The following PXDNL variants were observed in gnomAD, a reference collection of about 807,000 sequenced individuals.
The protein encoded by PXDNL is peroxidasin like.
Under a neutral mutation model 150.8 loss-of-function variants are expected in PXDNL, and 145 were observed. The observed-to-expected ratio is 0.96, with a 90% CI of 0.84 to 1.10. The LOEUF (loss-of-function observed/expected upper bound fraction) is 1.10. Ranked by LOEUF, PXDNL falls within the 50% of genes least tolerant of loss-of-function variation. The pLI is 0.00. For missense variants in PXDNL, 2,087 were observed against 1,873.9 expected (o/e 1.11, Z -2.10); for synonymous variants, 757 against 725.7 (o/e 1.04, Z -0.69).
At chr8:51,705,895 T>C (rs944502267) in intron 1 of PXDNL, among the ~76,000 whole-genome samples, 1 of 152,176 alleles carries the variant, frequency 6.6e-6, no homozygotes, top group Non-Finnish European at 1.5e-5. Context: ...ACAAAGATAT[T>C]CATAATTTAC....
intron 5 of PXDNL, among the ~76,000 whole-genome samples, chr8:51,484,599 C>T (rs955872768): frequency 6.6e-6 from 1 of 152,192 alleles, no homozygotes; most frequent in Non-Finnish European, 1.5e-5. Flanking sequence ...CCGTTGGGTG[C>T]TGCTATGGTT....
chr8:51,762,271 CA>C (rs2037173627), intron 1 of PXDNL, among the ~76,000 whole-genome samples: 1 of 152,148 alleles, frequency 6.6e-6, no homozygotes, highest in African/African-American at 2.4e-5. Flanking sequence ...TATTTAACCC[CA>C]AAATATATTT....
intron 1 of PXDNL, among the ~76,000 whole-genome samples, chr8:51,779,935 G>T (rs1274563081): frequency 5.3e-5 from 8 of 152,018 alleles, no homozygotes; most frequent in Non-Finnish European, 1.0e-4. Context: ...GCCTCAGCCT[G>T]GTGTGGTGGC....
At chr8:51,449,480 T>C (rs1380149132) in intron 10 of PXDNL, among the ~76,000 whole-genome samples, 1 of 152,208 alleles carries the variant, frequency 6.6e-6, no homozygotes, top group East Asian at 1.9e-4. Flanking sequence ...AACCGTCTTC[T>C]CCAAACTTTC....
chr8:51,589,459 T>C (rs1320595797), intron 3 of PXDNL, among the ~76,000 whole-genome samples: 1 of 152,162 alleles, frequency 6.6e-6, no homozygotes, highest in Non-Finnish European at 1.5e-5. Context: ...GTAGAAAAGG[T>C]ATGGAATGTC....
At chr8:51,674,916 A>G (rs1356051783) in intron 1 of PXDNL, among the ~76,000 whole-genome samples, 1 of 152,194 alleles carries the variant, frequency 6.6e-6, no homozygotes, top group East Asian at 1.9e-4. Context: ...TTAGATGTGG[A>G]CAAATTACAT....
At chr8:51,565,174 T>A (rs971317982) in intron 3 of PXDNL, among the ~76,000 whole-genome samples, 1 of 151,714 alleles carries the variant, frequency 6.6e-6, no homozygotes, top group African/African-American at 2.4e-5. Flanking sequence ...ATACCTGACT[T>A]CCTGTGGGAG....
intron 3 of PXDNL, among the ~76,000 whole-genome samples, chr8:51,582,249 G>C (rs1248760216): frequency 6.6e-6 from 1 of 152,096 alleles, no homozygotes; most frequent in East Asian, 1.9e-4. Context: ...GTGGCTGTCT[G>C]CAAGGAAGAA....
At chr8:51,648,549 G>A (rs1391822603) in intron 2 of PXDNL, among the ~76,000 whole-genome samples, 2 of 152,162 alleles carry the variant, frequency 1.3e-5, no homozygotes, top group South Asian at 2.1e-4. Context: ...CCACACCTTC[G>A]TTTCAGGCTT....
chr8:51,631,119 T>C lies in PXDNL; in HGVS notation c.236+23570A>G, dbSNP rs551752010. On this transcript the variant is annotated intron_variant, in intron 2 of 22. Transcript: ENST00000356297. Reference sequence around the variant, plus strand: ...GCAACCATTAAAAAGAATGAGATCATGTTCTTTACAGCAATATGGATGGAG... The same window carrying C: ...GCAACCATTAAAAAGAATGAGATCACGTTCTTTACAGCAATATGGATGGAG... Among the ~76,000 whole-genome samples the C allele has an allele frequency of 2.6e-5, 4 of 152,266 alleles. No individual in the cohort carries two copies. In the South Asian group the frequency reaches 8.3e-4, roughly 32 times the overall value.
chr8:51,691,160 G>A (rs1169290925), intron 1 of PXDNL, among the ~76,000 whole-genome samples: 1 of 152,060 alleles, frequency 6.6e-6, no homozygotes, highest in African/African-American at 2.4e-5. Context: ...CTGTGCAGAA[G>A]CTCTTTAGTT....
intron 21 of PXDNL, among the ~76,000 whole-genome samples, chr8:51,325,080 G>T (rs1328623219): frequency 6.6e-6 from 1 of 152,106 alleles, no homozygotes; most frequent in Non-Finnish European, 1.5e-5. Flanking sequence ...TGGTCAGACT[G>T]ATCTCAAACT....
At chr8:51,743,688 T>G (rs2036931374) in intron 1 of PXDNL, among the ~76,000 whole-genome samples, 2 of 152,072 alleles carry the variant, frequency 1.3e-5, no homozygotes, top group Non-Finnish European at 2.9e-5. Flanking sequence ...GGGCAATTTT[T>G]GTATTTTTAG....
chr8:51,484,489 C>T (rs548257773), intron 5 of PXDNL, among the ~76,000 whole-genome samples: 61 of 151,092 alleles, frequency 4.0e-4, no homozygotes, highest in Admixed American at 9.9e-4. Context: ...ACAGATGTAG[C>T]ATGAGTAACT....
intron 1 of PXDNL, among the ~76,000 whole-genome samples, chr8:51,658,363 AAAAGAAAAGGAAAAAAAAAG>A (rs1815197856): frequency 1.2e-5 from 1 of 83,714 alleles, no homozygotes; most frequent in Non-Finnish European, 2.2e-5. Context: ...AAAAAAAAAG[AAAAGAAAAGGAAAAAAAAAG>A]AAAAAAAAGT....
intron 2 of PXDNL, among the ~76,000 whole-genome samples, chr8:51,595,165 A>C (rs1813537476): frequency 6.6e-6 from 1 of 152,166 alleles, no homozygotes; most frequent in Non-Finnish European, 1.5e-5. Flanking sequence ...GTAAAAGAGG[A>C]ACCAGCAATA....
intron 4 of PXDNL, among the ~76,000 whole-genome samples, chr8:51,518,921 G>C (rs949814383): frequency 6.6e-6 from 1 of 151,848 alleles, no homozygotes; most frequent in Non-Finnish European, 1.5e-5. Context: ...AGGGGTGGGA[G>C]GAAGGAAATA....
At chr8:51,495,451 A>G (rs2130258594) in intron 5 of PXDNL, among the ~76,000 whole-genome samples, 1 of 152,314 alleles carries the variant, frequency 6.6e-6, no homozygotes, top group African/African-American at 2.4e-5. Context: ...TGAAGGAAAT[A>G]GAGACACAAA....
intron 2 of PXDNL, among the ~76,000 whole-genome samples, chr8:51,649,884 C>A (rs1390027619): frequency 6.6e-6 from 1 of 151,702 alleles, no homozygotes; most frequent in Non-Finnish European, 1.5e-5. Flanking sequence ...GGTGGATCAC[C>A]TGAGGTCAGG....
Sources: gnomAD v4.1 joint callset for allele counts (sites outside exome capture counted in the v4.1 genomes callset) on GRCh38, gnomAD v4.1.1 for gene constraint, MANE v1.5 for transcripts, NCBI Gene and HGNC (gene_info 2026-07-23, HGNC 2026-07-21) for gene names.